FBLIM1: variants seen among roughly 807,000 people sequenced by gnomAD.
FBLIM1 encodes filamin binding LIM protein 1.
FBLIM1 carries 29 observed loss-of-function variants against 37.4 expected under a neutral mutation model. That is an observed-to-expected ratio of 0.77 (90% confidence interval 0.58 to 1.06). The LOEUF (loss-of-function observed/expected upper bound fraction) is 1.06. FBLIM1 is among the 50% of genes least tolerant of loss of function. The pLI, the probability that FBLIM1 is intolerant of heterozygous loss-of-function variation, is 0.00. For synonymous variants in FBLIM1, 193 were observed against 199.0 expected, an observed-to-expected ratio of 0.97 and a Z score of 0.25; for missense variants, 449 against 505.6, an observed-to-expected ratio of 0.89 and a Z score of 1.07.
At chr1:15,780,401 T>C (rs1006861685) in intron 8 of FBLIM1, among the ~76,000 whole-genome samples, 1 of 151,962 alleles carries the variant, frequency 6.6e-6, no homozygotes, top group Non-Finnish European at 1.5e-5. Flanking sequence ...GGTTTCGCCA[T>C]GTTGGCCAGC....
intron 3 of FBLIM1, 57 bp from the exon 4 acceptor site, chr1:15,767,319 A>T: frequency 6.8e-7 from 1 of 1,471,474 alleles, no homozygotes; most frequent in Non-Finnish European, 9.0e-7. Context: ...GGTAAGTAAA[A>T]CCCTCCCAGG....
Position 15,774,839 on chromosome 1 carries a change from G to A in FBLIM1, c.890+43G>A, listed in dbSNP as rs756494644. ...GCACTGGGTGGGGTGCAGGGACAGG[G>A]CGAGACCCAAGCAGGGTGAAGGAGC... On this transcript the variant is annotated intron_variant, in intron 7 of 8. Coordinates refer to ENST00000375766, the MANE Select transcript of FBLIM1 (RefSeq NM_017556.4). 2.5e-6 allele frequency: 4 copies of A among 1,613,788 alleles called. No individual in the cohort carries two copies. The Admixed American group carries it at 5.0e-5, about 20-fold the overall frequency.
intron 8 of FBLIM1, among the ~76,000 whole-genome samples, chr1:15,784,259 A>G (rs1251460529): frequency 1.3e-5 from 2 of 152,102 alleles, no homozygotes; most frequent in African/African-American, 2.4e-5. Flanking sequence ...CTTTCCCTGA[A>G]CCCTCAGGGG....
At chr1:15,758,094 C>A (rs1409900753), upstream of FBLIM1, 1 of 152,322 alleles carries the variant, frequency 6.6e-6, no homozygotes, top group East Asian at 1.9e-4. This position sits in a 1 kb window ranked among gnomAD's most constrained non-coding sequence, Gnocchi z 6.2. Context: ...AGGAACACTC[C>A]CGGAAAAAGC....
At chr1:15,780,027 G>A (rs1421863856) in intron 8 of FBLIM1, among the ~76,000 whole-genome samples, 5 of 151,452 alleles carry the variant, frequency 3.3e-5, no homozygotes, top group Admixed American at 1.3e-4. Context: ...GTACAGGTGC[G>A]CACCACCACG....
intron 5 of FBLIM1, among the ~76,000 whole-genome samples, chr1:15,769,531 G>A (rs2069100167): frequency 6.6e-6 from 1 of 152,182 alleles, no homozygotes; most frequent in Admixed American, 6.5e-5. Context: ...CTGGCTGGGT[G>A]TAGTGGTTCA....
In FBLIM1 at chr1:15,777,210, A is replaced by G. The variant is rs1434347914; in HGVS notation, c.931A>G (p.Ile311Val). Residue 311 changes from isoleucine (I) to valine (V), a missense_variant, in exon 8 of 9, where the codon ATC (isoleucine) becomes GTC (valine). Transcript: ENST00000375766. ...CTGCAGCATCTGTGAAAATCCCATCATCCCTCGGGATGGGAAAGATGCCTT... is the reference window on the plus strand; with the variant it reads ...CTGCAGCATCTGTGAAAATCCCATCGTCCCTCGGGATGGGAAAGATGCCTT... ...PVCSICENPI[I>V]PRDGKDAFKI... 1.9e-6 allele frequency: 3 copies of G among 1,612,458 alleles called. No individual in the cohort carries two copies. The East Asian group carries it at 6.7e-5, about 36-fold the overall frequency.
At chr1:15,777,923 T>C (rs2069540667) in intron 8 of FBLIM1, among the ~76,000 whole-genome samples, 1 of 152,132 alleles carries the variant, frequency 6.6e-6, no homozygotes, top group Non-Finnish European at 1.5e-5. Context: ...TCATTTTCTC[T>C]GCCTGTGGGC....
intron 8 of FBLIM1, among the ~76,000 whole-genome samples, chr1:15,779,026 C>G (rs1020511347): frequency 6.6e-6 from 1 of 151,992 alleles, no homozygotes; most frequent in African/African-American, 2.4e-5. Context: ...CCTCCAGCTC[C>G]CTGGTTCAAG....
At chr1:15,771,823 C>T (rs1008427982) in intron 6 of FBLIM1, among the ~76,000 whole-genome samples, 7 of 151,532 alleles carry the variant, frequency 4.6e-5, no homozygotes, top group East Asian at 3.9e-4. Context: ...AGCTACCACA[C>T]GAGGTCACAC....
upstream of FBLIM1, among the ~76,000 whole-genome samples, chr1:15,757,288 G>A (rs553219127): frequency 9.2e-5 from 14 of 152,294 alleles, no homozygotes; most frequent in East Asian, 1.9e-4. The surrounding 1 kb of genome is among the most constrained non-coding windows in gnomAD (Gnocchi z 4.1). Flanking sequence ...GGGACACAGC[G>A]GCTCTGGTTT....
intron 6 of FBLIM1, among the ~76,000 whole-genome samples, chr1:15,771,507 A>G (rs958774193): frequency 6.6e-6 from 1 of 151,790 alleles, no homozygotes; most frequent in Non-Finnish European, 1.5e-5. Flanking sequence ...CGGCCTCACA[A>G]AGTGCTGGGA....
intron 8 of FBLIM1, among the ~76,000 whole-genome samples, chr1:15,783,569 C>CTTTTTT (rs58141962): frequency 1.3e-3 from 103 of 81,242 alleles, no homozygotes; most frequent in Non-Finnish European, 1.5e-3. Context: ...AACTTACGTT[C>CTTTTTT]TTTTTTTTTT....
chr1:15,766,192 CA>C (rs1456906642), intron 3 of FBLIM1, among the ~76,000 whole-genome samples: 1 of 152,162 alleles, frequency 6.6e-6, no homozygotes, highest in African/African-American at 2.4e-5. Context: ...ACTGTAGCCT[CA>C]ACCTCCCTGG....
intron 1 of FBLIM1, among the ~76,000 whole-genome samples, chr1:15,760,734 G>A (rs2068636427): frequency 6.6e-6 from 1 of 152,102 alleles, no homozygotes; most frequent in African/African-American, 2.4e-5. Context: ...CCTTCCTTTG[G>A]ACAGGAAATG....
chr1:15,760,981 C>G (rs943838929), intron 1 of FBLIM1, among the ~76,000 whole-genome samples: 1 of 152,176 alleles, frequency 6.6e-6, no homozygotes, highest in Non-Finnish European at 1.5e-5. Flanking sequence ...CCAGCTTAGA[C>G]CCCCTGGGGC....
At chr1:15,780,593 CT>C in intron 8 of FBLIM1, among the ~76,000 whole-genome samples, 1 of 152,192 alleles carries the variant, frequency 6.6e-6, no homozygotes, top group African/African-American at 2.4e-5. Flanking sequence ...CAGAAATCCT[CT>C]CCCACCCCTT....
intron 8 of FBLIM1, among the ~76,000 whole-genome samples, chr1:15,781,434 A>C (rs1477516135): frequency 1.3e-5 from 2 of 151,236 alleles, no homozygotes; most frequent in Non-Finnish European, 2.9e-5. Flanking sequence ...GAATCACTTG[A>C]ACCTGGAGGC....
At position 15,775,003 on chromosome 1, in the gene FBLIM1, G is replaced by C. The variant is rs1034997730; in HGVS notation, c.890+207G>C. Reference sequence around the variant, plus strand: ...GGAGGCCGAGGCGGGTGGATCACGAGGTCAGGAGATCGAGATCATCCTGGC... The same window carrying C: ...GGAGGCCGAGGCGGGTGGATCACGACGTCAGGAGATCGAGATCATCCTGGC... On this transcript the variant is annotated intron_variant, in intron 7 of 8. Coordinates refer to ENST00000375766, the MANE Select transcript of FBLIM1 (RefSeq NM_017556.4). 6.9e-6 allele frequency: 7 copies of C among 1,014,780 alleles called. No homozygotes were observed. The East Asian group carries it at 1.8e-4, about 27-fold the overall frequency. 62.9% of individuals were successfully genotyped at this position (1,014,780 alleles called of 1,614,324 possible). A position where few individuals can be genotyped will look rare whatever the true frequency, so the allele number is the denominator to read the frequency against.
Sources: allele counts gnomAD v4.1 joint callset (sites outside exome capture counted in the v4.1 genomes callset), GRCh38; gene constraint gnomAD v4.1.1; non-coding constraint Gnocchi (gnomAD v3.1); transcripts MANE v1.5; gene names NCBI Gene and HGNC (gene_info 2026-07-23, HGNC 2026-07-21).